Variants in ENTREP2 observed in about 807,000 individuals in gnomAD.
ENTREP2 encodes endosomal transmembrane epsin interactor 2.
chr15:29,564,561 C>A, the ENTREP2 span, among the ~76,000 whole-genome samples: 1 of 152,210 alleles, frequency 6.6e-6, no homozygotes, highest in Non-Finnish European at 1.5e-5. Context: ...TCTCCCAGGT[C>A]CACACACAGT....
At chr15:29,656,790 C>T in the ENTREP2 span, among the ~76,000 whole-genome samples, 10 of 152,018 alleles carry the variant, frequency 6.6e-5, no homozygotes, top group African/African-American at 2.4e-4. Flanking sequence ...AAAAACAGTT[C>T]GTTTCTTCTA....
At chr15:29,195,640 T>C in the ENTREP2 span, among the ~76,000 whole-genome samples, 1 of 152,188 alleles carries the variant, frequency 6.6e-6, no homozygotes, top group Admixed American at 6.5e-5. Context: ...TTCTCCTGCC[T>C]CAGCCTCCCA....
the ENTREP2 span, among the ~76,000 whole-genome samples, chr15:29,227,256 G>C: frequency 1.3e-5 from 2 of 152,160 alleles, no homozygotes; most frequent in Non-Finnish European, 2.9e-5. Flanking sequence ...TTCAGCCAGG[G>C]GCCCTTCTCA....
chr15:29,528,316 C>T, the ENTREP2 span, among the ~76,000 whole-genome samples: 2 of 147,934 alleles, frequency 1.4e-5, no homozygotes, highest in African/African-American at 5.0e-5. Context: ...TAAGAAGATA[C>T]AGTCTCAATG....
At chr15:29,396,636 TC>T in the ENTREP2 span, among the ~76,000 whole-genome samples, 1 of 152,244 alleles carries the variant, frequency 6.6e-6, no homozygotes, top group Non-Finnish European at 1.5e-5. Flanking sequence ...TTGCCACTTT[TC>T]TTTTGTTGCT....
the ENTREP2 span, among the ~76,000 whole-genome samples, chr15:29,366,360 C>G: frequency 2.6e-5 from 4 of 152,314 alleles, no homozygotes; most frequent in African/African-American, 9.6e-5. Context: ...CAGGCGTGAG[C>G]CACTGCATCC....
chr15:29,199,087 A>C, the ENTREP2 span, among the ~76,000 whole-genome samples: 1 of 152,224 alleles, frequency 6.6e-6, no homozygotes, highest in Non-Finnish European at 1.5e-5. Flanking sequence ...ATACATGTGC[A>C]TATTTCTTTT....
At chr15:29,232,032 G>A in the ENTREP2 span, among the ~76,000 whole-genome samples, 8 of 151,918 alleles carry the variant, frequency 5.3e-5, no homozygotes, top group Non-Finnish European at 1.2e-4. Flanking sequence ...TGGGATTACA[G>A]GCGTGGGCCA....
chr15:29,669,772 A>G, the ENTREP2 span, among the ~76,000 whole-genome samples: 1 of 152,144 alleles, frequency 6.6e-6, no homozygotes, highest in Non-Finnish European at 1.5e-5. Flanking sequence ...AGGTGATTGA[A>G]TTACTTCCTC....
chr15:29,234,083 C>T, the ENTREP2 span: 33 of 1,493,296 alleles, frequency 2.2e-5, no homozygotes, highest in East Asian at 5.6e-4. Flanking sequence ...TTCTTCGAAC[C>T]GTCTTGATAA....
At chr15:29,287,077 T>C in the ENTREP2 span, among the ~76,000 whole-genome samples, 1 of 152,166 alleles carries the variant, frequency 6.6e-6, no homozygotes, top group Non-Finnish European at 1.5e-5. Flanking sequence ...TAACGCAAGA[T>C]AGTCATAGGA....
At chr15:29,491,116 C>T in the ENTREP2 span, among the ~76,000 whole-genome samples, 1 of 152,186 alleles carries the variant, frequency 6.6e-6, no homozygotes, top group Non-Finnish European at 1.5e-5. Flanking sequence ...GCTGGTGGCC[C>T]AGGTACTAAG....
chr15:29,180,929 G>A, the ENTREP2 span, among the ~76,000 whole-genome samples: 2 of 151,182 alleles, frequency 1.3e-5, no homozygotes, highest in African/African-American at 4.9e-5. Context: ...AAAAGAAAAA[G>A]GAATTTGGAA....
At chr15:29,607,560 A>C in the ENTREP2 span, among the ~76,000 whole-genome samples, 1 of 152,038 alleles carries the variant, frequency 6.6e-6, no homozygotes, top group Non-Finnish European at 1.5e-5. Flanking sequence ...CATGTACTTA[A>C]TGTCTTTTTC....
At chr15:29,646,658 G>A in the ENTREP2 span, among the ~76,000 whole-genome samples, 3 of 152,158 alleles carry the variant, frequency 2.0e-5, no homozygotes, top group African/African-American at 7.2e-5. Flanking sequence ...TGAATCTTAA[G>A]TTCAGCTGAC....
the ENTREP2 span, among the ~76,000 whole-genome samples, chr15:29,499,190 C>G: frequency 1.3e-5 from 2 of 152,036 alleles, no homozygotes; most frequent in Non-Finnish European, 2.9e-5. Flanking sequence ...TAATTTGTTT[C>G]TGGGTGTTTT....
chr15:29,527,347 T>C, the ENTREP2 span, among the ~76,000 whole-genome samples: 7 of 152,188 alleles, frequency 4.6e-5, no homozygotes, highest in South Asian at 1.0e-3. Flanking sequence ...CATGGGAAAA[T>C]ACCTTTGAGA....
At chr15:29,362,497 C>T in the ENTREP2 span, among the ~76,000 whole-genome samples, 1 of 151,022 alleles carries the variant, frequency 6.6e-6, no homozygotes, top group South Asian at 2.1e-4. Context: ...GCCTCAGCCT[C>T]CAGAGTAGCT....
At chr15:29,314,306 G>A in the ENTREP2 span, among the ~76,000 whole-genome samples, 1 of 152,184 alleles carries the variant, frequency 6.6e-6, no homozygotes, top group Non-Finnish European at 1.5e-5. Context: ...AGCATTGCAT[G>A]CTACGGACAA....
Sources: allele counts gnomAD v4.1 joint callset (sites outside exome capture counted in the v4.1 genomes callset), GRCh38; gene constraint gnomAD v4.1.1; transcripts MANE v1.5; gene names NCBI Gene and HGNC (gene_info 2026-07-23, HGNC 2026-07-21).